EBF1: variants seen among roughly 807,000 people sequenced by gnomAD.
The protein encoded by EBF1 is EBF transcription factor 1.
A neutral mutation model predicts 68.4 loss-of-function variants in EBF1; 10 were observed. The observed-to-expected ratio is 0.15, with a 90% CI of 0.09 to 0.25. The LOEUF (loss-of-function observed/expected upper bound fraction) is 0.25. Ranked by LOEUF, EBF1 falls within the 10% of genes least tolerant of loss-of-function variation. The pLI is 1.00. For synonymous variants in EBF1, 298 were observed against 299.8 expected (o/e 0.99, Z 0.06); for missense variants, 509 against 794.4 (o/e 0.64, Z 4.32).
chr5:158,897,957 G>C (rs1056101905), intron 6 of EBF1, among the ~76,000 whole-genome samples: 3 of 152,176 alleles, frequency 2.0e-5, no homozygotes, highest in Non-Finnish European at 4.4e-5. Flanking sequence ...GGTACTGGGC[G>C]AGGCATCTAG....
At chr5:158,790,292 G>T (rs1163078871) in intron 9 of EBF1, among the ~76,000 whole-genome samples, 2 of 152,194 alleles carry the variant, frequency 1.3e-5, no homozygotes, top group African/African-American at 2.4e-5. Context: ...GGGAAATTTT[G>T]TTCAAAGCCT....
intron 6 of EBF1, among the ~76,000 whole-genome samples, chr5:159,017,312 T>C (rs2127700751): frequency 6.6e-6 from 1 of 152,364 alleles, no homozygotes; most frequent in Non-Finnish European, 1.5e-5. Context: ...TGAAAATTAG[T>C]TGCCATCACT....
At chr5:159,095,554 T>G in intron 4 of EBF1, 66 bp downstream of exon 4, 1 of 1,590,724 alleles carries the variant, frequency 6.3e-7, no homozygotes, top group South Asian at 1.1e-5. Context: ...GTGGAGCAAC[T>G]AGCTTCTTGA....
chr5:158,728,355 A>T (rs1413053835), intron 11 of EBF1, among the ~76,000 whole-genome samples: 1 of 152,210 alleles, frequency 6.6e-6, no homozygotes, highest in Non-Finnish European at 1.5e-5. Context: ...AAACCCAGGA[A>T]AAAAGGGTTG....
chr5:158,743,151 A>G (rs1766794396), intron 10 of EBF1, among the ~76,000 whole-genome samples: 1 of 152,242 alleles, frequency 6.6e-6, no homozygotes, highest in Non-Finnish European at 1.5e-5. Flanking sequence ...CTGTAGCATT[A>G]TTAATGTACA....
At chr5:158,901,418 A>G (rs1295237057) in intron 6 of EBF1, among the ~76,000 whole-genome samples, 1 of 152,196 alleles carries the variant, frequency 6.6e-6, no homozygotes, top group Non-Finnish European at 1.5e-5. Flanking sequence ...TCTTGGCTAC[A>G]TCCTCAGCTG....
Position 158,890,285 on chromosome 5 carries a change from T to C in EBF1, c.555-50175A>G, listed in dbSNP as rs371248498. Among the ~76,000 whole-genome samples, 6 of 152,380 alleles carry C rather than the reference T, an allele frequency of 3.9e-5. 1 individual carries two copies. The highest frequency in any genetic ancestry group is 1.3e-4 in the Admixed American group (2 of 15,300). On this transcript the variant is annotated intron_variant, in intron 6 of 15. Coordinates refer to ENST00000313708, the MANE Select transcript of EBF1 (RefSeq NM_024007.5). Reference sequence around the variant, plus strand: ...ATTCCTGCTGTCTGGCCACTAGGCCTTTATTCAATGTGGTAATTATGCTTT... The same window carrying C: ...ATTCCTGCTGTCTGGCCACTAGGCCCTTATTCAATGTGGTAATTATGCTTT...
chr5:159,066,186 G>A (rs1457147109), intron 6 of EBF1, among the ~76,000 whole-genome samples: 2 of 151,972 alleles, frequency 1.3e-5, no homozygotes, highest in Non-Finnish European at 2.9e-5. Flanking sequence ...GCAAAGGCAC[G>A]AACAATATCT....
At chr5:158,871,907 C>T (rs1226455805) in intron 6 of EBF1, among the ~76,000 whole-genome samples, 1 of 152,174 alleles carries the variant, frequency 6.6e-6, no homozygotes, top group African/African-American at 2.4e-5. Flanking sequence ...ACAGCACCAG[C>T]TTGGAACAGT....
chr5:158,937,578 C>T (rs185421992), intron 6 of EBF1, among the ~76,000 whole-genome samples: 32 of 152,198 alleles, frequency 2.1e-4, no homozygotes, highest in East Asian at 1.9e-3. Context: ...TAGAGCAGAG[C>T]GGAATGGGAT....
At position 159,028,879 on chromosome 5, in the gene EBF1, G is replaced by T. The variant is rs184758720; in HGVS notation, c.554+44517C>A. Among the ~76,000 whole-genome samples the T allele has an allele frequency of 8.5e-5, 13 of 152,336 alleles. No homozygotes were observed. The East Asian group carries it at 9.6e-4, about 11-fold the overall frequency. On this transcript the variant is annotated intron_variant, in intron 6 of 15. Transcript: ENST00000313708. Reference sequence around the variant, plus strand: ...CAGCAAGTTCCCAAGGGATGAACAGGTTTGGCATTTCAGAAGAAGGCCAGT... The same window carrying T: ...CAGCAAGTTCCCAAGGGATGAACAGTTTTGGCATTTCAGAAGAAGGCCAGT...
At chr5:158,781,123 C>T (rs1028482699) in intron 9 of EBF1, among the ~76,000 whole-genome samples, 1 of 152,118 alleles carries the variant, frequency 6.6e-6, no homozygotes. Flanking sequence ...AAAGCACTTT[C>T]ATGTTCACTA....
At chr5:158,819,421 T>A (rs1784386486) in intron 8 of EBF1, among the ~76,000 whole-genome samples, 1 of 152,224 alleles carries the variant, frequency 6.6e-6, no homozygotes, top group Non-Finnish European at 1.5e-5. Flanking sequence ...CACCACAGTG[T>A]TGTGAGGGCA....
intron 7 of EBF1, among the ~76,000 whole-genome samples, chr5:158,824,819 C>T (rs149836666): frequency 3.3e-4 from 50 of 152,338 alleles, no homozygotes; most frequent in African/African-American, 1.1e-3. Flanking sequence ...TTCCACTGTC[C>T]TCCTCGTTGA....
At chr5:158,993,932 G>A (rs1391193860) in intron 6 of EBF1, among the ~76,000 whole-genome samples, 4 of 152,220 alleles carry the variant, frequency 2.6e-5, no homozygotes, top group African/African-American at 9.6e-5. Flanking sequence ...TAGGTAAATA[G>A]GCAGGCAGAC....
At position 158,909,975 on chromosome 5, in the gene EBF1, A is replaced by G. The variant is rs1056338674; in HGVS notation, c.555-69865T>C. Among the ~76,000 whole-genome samples, 73 of 150,024 alleles carry G rather than the reference A, an allele frequency of 4.9e-4. 2 individuals are homozygous for G. Among genetic ancestry groups the G allele is most frequent in the Admixed American group, 1.9e-3 (29 of 15,128 alleles). Reference sequence around the variant, plus strand: ...TGTCTATAAAAAAAAAAAAAAAAAAAAAAAAAAAAAATGCAGGGGAAAGAA... The same window carrying G: ...TGTCTATAAAAAAAAAAAAAAAAAAGAAAAAAAAAAATGCAGGGGAAAGAA... On this transcript the variant is annotated intron_variant, in intron 6 of 15. Coordinates refer to ENST00000313708, the MANE Select transcript of EBF1 (RefSeq NM_024007.5).
intron 6 of EBF1, among the ~76,000 whole-genome samples, chr5:158,935,968 T>C (rs1811927473): frequency 6.6e-6 from 1 of 152,242 alleles, no homozygotes. Flanking sequence ...TGCTCCTCAA[T>C]AGCCCAAGAT....
intron 6 of EBF1, among the ~76,000 whole-genome samples, chr5:158,895,928 GATTCAGCA>G (rs370709187): frequency 1.3e-5 from 2 of 152,268 alleles, no homozygotes; most frequent in East Asian, 3.9e-4. Context: ...ATGCATTCTT[GATTCAGCA>G]CAAAGAGAGA....
intron 8 of EBF1, among the ~76,000 whole-genome samples, chr5:158,805,282 G>A (rs1301793571): frequency 6.6e-6 from 1 of 152,122 alleles, no homozygotes; most frequent in Non-Finnish European, 1.5e-5. Context: ...CCAAATATGA[G>A]CAAGTCTAGT....
Sources: gnomAD v4.1 joint callset for allele counts (sites outside exome capture counted in the v4.1 genomes callset) on GRCh38, gnomAD v4.1.1 for gene constraint, MANE v1.5 for transcripts, NCBI Gene and HGNC (gene_info 2026-07-23, HGNC 2026-07-21) for gene names.